The following ADAMDEC1 variants were observed in gnomAD, a reference collection of about 807,000 sequenced individuals.
The protein encoded by ADAMDEC1 is ADAM like decysin 1, also known as ADAM DEC1.
In ADAMDEC1, 62 loss-of-function variants were observed where a neutral mutation model predicts 60.4. The observed-to-expected ratio is 1.03, with a 90% CI of 0.84 to 1.27. The LOEUF (loss-of-function observed/expected upper bound fraction) is 1.27, where lower values mean the gene tolerates loss of function less well. ADAMDEC1 is among the 50% of genes most tolerant of loss of function. ADAMDEC1 has a pLI of 0.00. For synonymous variants in ADAMDEC1, 210 were observed against 195.1 expected (o/e 1.08, Z -0.64); for missense variants, 595 against 565.0 (o/e 1.05, Z -0.54).
Position 24,384,435 on chromosome 8 carries a change from A to C in ADAMDEC1, c.-70A>C. 1 of 1,303,082 alleles carries C rather than the reference A, an allele frequency of 7.7e-7. No individual in the cohort carries two copies. Among genetic ancestry groups the C allele is most frequent in the East Asian group, 2.7e-5 (1 of 37,238 alleles). The allele number at this position is 1,303,082 out of a possible 1,614,324, so 80.7% of individuals were successfully genotyped here. On this transcript the variant is annotated 5_prime_UTR_variant, in exon 1 of 14. Coordinates refer to ENST00000256412, the MANE Select transcript of ADAMDEC1 (RefSeq NM_014479.3). ...ATCTCACACGAAAAGTGGGGGTTTTAATTTTCTTGTTCAACTTCTAAAGAG... is the reference window on the plus strand; with the variant it reads ...ATCTCACACGAAAAGTGGGGGTTTTCATTTTCTTGTTCAACTTCTAAAGAG...
At chr8:24,401,175 C>T (rs1817757288) in intron 11 of ADAMDEC1, among the ~76,000 whole-genome samples, 1 of 152,054 alleles carries the variant, frequency 6.6e-6, no homozygotes, top group African/African-American at 2.4e-5. Context: ...ATTCAACTTC[C>T]AGTCTCTTGA....
chr8:24,387,539 C>T (rs1228907464), intron 1 of ADAMDEC1: 1 of 152,134 alleles, frequency 6.6e-6, no homozygotes, highest in East Asian at 1.9e-4. Context: ...TTTGGCAAGC[C>T]TTCTTCTGGG....
chr8:24,397,684 A>G lies in ADAMDEC1; in HGVS notation c.629A>G (p.Lys210Arg). Residue 210 changes from lysine (K) to arginine (R), a missense_variant and splice_region_variant, in exon 7 of 14, where the codon AAA (lysine) becomes AGA (arginine). By Grantham distance (26) the Lys-to-Arg change is conservative (BLOSUM62 2). Transcript: ENST00000256412. ...RISRSLKSPE[K>R]EDFLRAQKYI... ...AATGTTCTTTTATTCTTTGTAAAGA[A>G]AGAAGACTTTCTTCGGGCACAGAAA... The G allele has an allele frequency of 6.2e-7, 1 of 1,612,682 alleles. No homozygotes were observed. The highest frequency in any genetic ancestry group is 8.5e-7 in the Non-Finnish European group (1 of 1,179,046).
chr8:24,404,518 A>G lies in ADAMDEC1; in HGVS notation c.1406+430A>G, dbSNP rs556222214. ...TAAGAACATGCTATAAGATTTGACA[A>G]TTTTACTCCCTTTAAAGTGTCTCAA... On this transcript the variant is annotated intron_variant, in intron 13 of 13. Coordinates refer to ENST00000256412, the MANE Select transcript of ADAMDEC1 (RefSeq NM_014479.3). Among the ~76,000 whole-genome samples the G allele has an allele frequency of 6.6e-5, 10 of 152,280 alleles. No homozygotes were observed. The South Asian group carries it at 1.9e-3, about 28-fold the overall frequency.
At position 24,397,314 on chromosome 8, in the gene ADAMDEC1, T is replaced by G; in HGVS notation, c.485T>G (p.Leu162Arg). Residue 162 changes from leucine (L) to arginine (R), a missense_variant, in exon 6 of 14, where the codon CTG becomes CGG. Transcript: ENST00000256412. ...HHHQRYQIKP[L>R]KSTDEKEHAV... Reference sequence around the variant, plus strand: ...CACCAAAGATACCAGATAAAACCTCTGAAAAGCACAGACGAGAAAGAACAT... The same window carrying G: ...CACCAAAGATACCAGATAAAACCTCGGAAAAGCACAGACGAGAAAGAACAT... 6.2e-7 allele frequency: 1 copy of G among 1,613,904 alleles called. No homozygotes were observed. Among genetic ancestry groups the G allele is most frequent in the Non-Finnish European group, 8.5e-7 (1 of 1,179,944 alleles).
In ADAMDEC1 at chr8:24,384,524, A is replaced by G; in HGVS notation, c.20A>G (p.Gln7Arg). MLRGIS[Q>R]LPAVATMSWV... is the part of the protein sequence containing the mutation. ...AACTTCATGCTGCGTGGGATCTCCC[A>G]GCTACCTGCAGTGGCCACCATGTCT... The change falls in exon 1 of 14, where the codon CAG (glutamine) becomes CGG (arginine). Residue 7 changes from glutamine (Q) to arginine (R), a missense_variant. Coordinates refer to ENST00000256412, the MANE Select transcript of ADAMDEC1 (RefSeq NM_014479.3). 6.2e-7 allele frequency: 1 copy of G among 1,609,588 alleles called. No homozygotes were observed. The highest frequency in any genetic ancestry group is 8.5e-7 in the Non-Finnish European group (1 of 1,177,846).
At position 24,403,758 on chromosome 8, in the gene ADAMDEC1, C is replaced by T. The variant is rs1167272803; in HGVS notation, c.1321-245C>T. Reference sequence around the variant, plus strand: ...TGGACTTACACATCATACATCTAGACAAAATTTATTTTTGAAAAATTCTTG... The same window carrying T: ...TGGACTTACACATCATACATCTAGATAAAATTTATTTTTGAAAAATTCTTG... On this transcript the variant is annotated intron_variant, in intron 12 of 13. Coordinates refer to ENST00000256412, the MANE Select transcript of ADAMDEC1 (RefSeq NM_014479.3). Among the ~76,000 whole-genome samples the T allele has an allele frequency of 7.2e-5, 11 of 152,132 alleles. No individual in the cohort carries two copies. The East Asian group carries it at 2.1e-3, about 29-fold the overall frequency.
intron 5 of ADAMDEC1, among the ~76,000 whole-genome samples, chr8:24,397,035 G>C (rs1817631633): frequency 6.6e-6 from 1 of 152,100 alleles, no homozygotes; most frequent in Non-Finnish European, 1.5e-5. Context: ...AATTCTTTGG[G>C]GTTGCTTCAT....
chr8:24,398,466 T>C lies in ADAMDEC1; in HGVS notation c.691-14T>C. 1 of 1,499,342 alleles carries C rather than the reference T, an allele frequency of 6.7e-7. No homozygotes were observed. Among genetic ancestry groups the C allele is most frequent in the African/African-American group, 1.4e-5 (1 of 71,942 alleles). 92.9% of individuals were successfully genotyped at this position (1,499,342 alleles called of 1,614,324 possible). A position where few individuals can be genotyped will look rare whatever the true frequency, so the allele number is the denominator to read the frequency against. ...TCTGCTATTTCACTATACTTTGTGT[T>C]TTGTATTTTACAGTATAAGAACTAT... On this transcript the variant is annotated splice_polypyrimidine_tract_variant and intron_variant, in intron 7 of 13. Coordinates refer to ENST00000256412, the MANE Select transcript of ADAMDEC1 (RefSeq NM_014479.3).
chr8:24,403,361 G>GTT (rs369994229), intron 12 of ADAMDEC1, among the ~76,000 whole-genome samples: 12 of 146,546 alleles, frequency 8.2e-5, no homozygotes, highest in African/African-American at 2.5e-4. Flanking sequence ...TATAGTTAGG[G>GTT]TTTTTTTTTT....
chr8:24,403,168 A>G (rs1402720373), intron 12 of ADAMDEC1, among the ~76,000 whole-genome samples: 1 of 152,068 alleles, frequency 6.6e-6, no homozygotes, highest in Non-Finnish European at 1.5e-5. Flanking sequence ...TATTATTTTC[A>G]TATCTTGTTG....
Position 24,399,397 on chromosome 8 carries a change from A to AT in ADAMDEC1, c.936dup (p.Ser313Ter). 1.2e-6 allele frequency: 2 copies of AT among 1,613,720 alleles called. No individual in the cohort carries two copies. Among genetic ancestry groups the AT allele is most frequent in the Non-Finnish European group, 1.7e-6 (2 of 1,179,730 alleles). On this transcript the variant is annotated frameshift_variant, in exon 10 of 14. Transcript: ENST00000256412. LOFTEE classifies it high-confidence loss of function. ...TATCTGTAACTTTTCATACAGCGGG[A>AT]TTAGCTTCAACAATCGACGTGTGGG...
intron 2 of ADAMDEC1, 66 bp downstream of exon 2, chr8:24,392,446 A>T: frequency 8.3e-7 from 1 of 1,200,590 alleles, no homozygotes; most frequent in Non-Finnish European, 1.2e-6. Flanking sequence ...AAGCCTTTTC[A>T]CTAACAGAAG....
chr8:24,401,099 G>C (rs1333556563), intron 11 of ADAMDEC1, among the ~76,000 whole-genome samples: 1 of 152,066 alleles, frequency 6.6e-6, no homozygotes, highest in African/African-American at 2.4e-5. Context: ...AAATCTTTAA[G>C]AATTCGGAAG....
At chr8:24,402,138 CTTTTT>C in intron 12 of ADAMDEC1, 46 bp downstream of exon 12, 1 of 1,475,230 alleles carries the variant, frequency 6.8e-7, no homozygotes, top group South Asian at 1.3e-5. Flanking sequence ...ATGCAGTTTT[CTTTTT>C]GTTTTCCAAT....
Position 24,405,387 on chromosome 8 carries a change from C to T in ADAMDEC1, c.*89C>T. 3 of 1,442,906 alleles carry T rather than the reference C, an allele frequency of 2.1e-6. No individual in the cohort carries two copies. The highest frequency in any genetic ancestry group is 2.4e-5 in the South Asian group (2 of 83,322). The allele number at this position is 1,442,906 out of a possible 1,614,324, so 89.4% of individuals were successfully genotyped here. ...CCCAGGAATCTTGTGAATTTTCACCCATAATGGTCTTTCACTTGTCATTCT... is the reference window on the plus strand; with the variant it reads ...CCCAGGAATCTTGTGAATTTTCACCTATAATGGTCTTTCACTTGTCATTCT... On this transcript the variant is annotated 3_prime_UTR_variant, in exon 14 of 14. Coordinates refer to ENST00000256412, the MANE Select transcript of ADAMDEC1 (RefSeq NM_014479.3).
At chr8:24,397,813 G>C in intron 7 of ADAMDEC1, 68 bp downstream of exon 7, 3 of 1,463,648 alleles carry the variant, frequency 2.0e-6, no homozygotes. Flanking sequence ...TCAAGCAAAA[G>C]CAAGCAATAA....
rs991036863 is a variant in ADAMDEC1 at position 24,399,470 on chromosome 8, T to C, written c.1007T>C (p.Ile336Thr). The C allele has an allele frequency of 1.9e-6, 3 of 1,613,122 alleles. No homozygotes were observed. Among genetic ancestry groups the C allele is most frequent in the African/African-American group, 2.7e-5 (2 of 74,888 alleles). ...TGTTCCCCATCTTCGGTTGCTGTTA[T>C]TGAGGTTTGTAAATTTGTAGTAAGG... ...SLCSPSSVAV[I>T]EAKKKNNVAL... Residue 336 changes from isoleucine to threonine, a missense_variant, in exon 10 of 14, where the codon ATT becomes ACT. By Grantham distance (89) the Ile-to-Thr change is moderately conservative. Coordinates refer to ENST00000256412, the MANE Select transcript of ADAMDEC1 (RefSeq NM_014479.3).
intron 9 of ADAMDEC1, 103 bp downstream of exon 9, chr8:24,399,143 A>G (rs1817694723): frequency 7.5e-7 from 1 of 1,335,148 alleles, no homozygotes; most frequent in East Asian, 2.5e-5. Context: ...ATCAACTGTC[A>G]GAGTGCTTGA....
Sources: gnomAD v4.1 joint callset for allele counts (sites outside exome capture counted in the v4.1 genomes callset) on GRCh38, gnomAD v4.1.1 for gene constraint, MANE v1.5 for transcripts, NCBI Gene and HGNC (gene_info 2026-07-23, HGNC 2026-07-21) for gene names.